The following SGMS1 variants were observed in gnomAD, a reference collection of about 807,000 sequenced individuals.
SGMS1 encodes the protein sphingomyelin synthase 1.
In SGMS1, 13 loss-of-function variants were observed where a neutral mutation model predicts 46.2. The observed-to-expected ratio is 0.28, with a 90% CI of 0.18 to 0.45. SGMS1 has a LOEUF of 0.45. Among genes scored for constraint, SGMS1 ranks in the 20% least tolerant of loss-of-function variants. SGMS1 has a pLI of 1.00. For missense variants in SGMS1, 324 were observed against 519.9 expected (o/e 0.62, Z 3.66); for synonymous variants, 203 against 187.8 (o/e 1.08, Z -0.66).
Position 50,378,225 on chromosome 10 carries a change from A to G in SGMS1, c.-231-33880T>C, listed in dbSNP as rs112447038. On this transcript the variant is annotated intron_variant, in intron 6 of 10. Coordinates refer to ENST00000361781, the MANE Select transcript of SGMS1 (RefSeq NM_147156.4). Reference sequence around the variant, plus strand: ...TCTTTCACACTTGATTAATGGAGCCATCTCCTTCTTTTTACTGATTCCTCT... The same window carrying G: ...TCTTTCACACTTGATTAATGGAGCCGTCTCCTTCTTTTTACTGATTCCTCT... Among the ~76,000 whole-genome samples, 1,410 of 152,298 alleles carry G rather than the reference A, an allele frequency of 9.3e-3. 25 individuals are homozygous for G. The highest frequency in any genetic ancestry group is 0.031 in the African/African-American group (1,289 of 41,556).
intron 2 of SGMS1, among the ~76,000 whole-genome samples, chr10:50,575,654 A>G (rs1838377797): frequency 6.6e-6 from 1 of 151,534 alleles, no homozygotes; most frequent in Non-Finnish European, 1.5e-5. Context: ...GAGGTGATAG[A>G]TATGTTTATT....
intron 6 of SGMS1, among the ~76,000 whole-genome samples, chr10:50,410,427 C>T (rs1213637688): frequency 6.6e-6 from 1 of 152,160 alleles, no homozygotes; most frequent in Non-Finnish European, 1.5e-5. Flanking sequence ...ATACTGACCA[C>T]ACTTGTGGTG....
chr10:50,383,221 T>C (rs968258846), intron 6 of SGMS1, among the ~76,000 whole-genome samples: 3 of 152,196 alleles, frequency 2.0e-5, no homozygotes, highest in Admixed American at 6.6e-5. Flanking sequence ...ACATTTCTAA[T>C]GATATCACAT....
At chr10:50,532,225 CTGTGTG>C (rs71029313) in intron 2 of SGMS1, among the ~76,000 whole-genome samples, 7,267 of 130,474 alleles carry the variant, frequency 0.056, 197 homozygotes, top group Non-Finnish European at 0.062. Context: ...CTGAATGAGA[CTGTGTG>C]TGTGTGTGTG....
At chr10:50,355,588 A>G (rs570578272) in intron 6 of SGMS1, among the ~76,000 whole-genome samples, 136 of 152,294 alleles carry the variant, frequency 8.9e-4, no homozygotes, top group African/African-American at 3.2e-3. Flanking sequence ...AATGTTGCCC[A>G]GGCTGGAGTG....
chr10:50,501,311 A>G (rs1268819317), intron 3 of SGMS1, among the ~76,000 whole-genome samples: 1 of 152,184 alleles, frequency 6.6e-6, no homozygotes, highest in East Asian at 1.9e-4. Flanking sequence ...CACAAACTCT[A>G]TCATCCTAAC....
At chr10:50,345,667 G>A (rs1333278302) in intron 6 of SGMS1, among the ~76,000 whole-genome samples, 1 of 152,088 alleles carries the variant, frequency 6.6e-6, no homozygotes, top group African/African-American at 2.4e-5. Context: ...TCCAAAATCC[G>A]AAACTTTTTG....
chr10:50,311,616 C>CGTG (rs1264505714), intron 8 of SGMS1, among the ~76,000 whole-genome samples: 5 of 152,274 alleles, frequency 3.3e-5, no homozygotes, highest in African/African-American at 1.2e-4. Flanking sequence ...AAATGAATCA[C>CGTG]GTGGCTTCAG....
At chr10:50,436,933 C>T (rs1849481440) in intron 5 of SGMS1, among the ~76,000 whole-genome samples, 2 of 152,168 alleles carry the variant, frequency 1.3e-5, no homozygotes, top group South Asian at 4.1e-4. Flanking sequence ...TCACACAGAA[C>T]TATGTTCTGC....
rs144875281 is a variant in SGMS1, at chr10:50,389,477, C to T, written c.-232+43999G>A. Among the ~76,000 whole-genome samples, 1,392 of 152,310 alleles carry T rather than the reference C, an allele frequency of 9.1e-3. 24 individuals are homozygous for T. Among genetic ancestry groups the T allele is most frequent in the African/African-American group, 0.032 (1,317 of 41,560 alleles). ...GTTCTAGTTAAAGCCTCAAATTATA[C>T]ACAGACTGGGGCCATCAAATCAAAG... On this transcript the variant is annotated intron_variant, in intron 6 of 10. Coordinates refer to ENST00000361781, the MANE Select transcript of SGMS1 (RefSeq NM_147156.4).
intron 4 of SGMS1, among the ~76,000 whole-genome samples, chr10:50,461,707 T>C (rs1837266597): frequency 6.6e-6 from 1 of 152,030 alleles, no homozygotes; most frequent in Admixed American, 6.6e-5. Flanking sequence ...TCATAGGTGC[T>C]CTCCAGCTGT....
chr10:50,578,254 C>A (rs1838402168), intron 2 of SGMS1, among the ~76,000 whole-genome samples: 2 of 152,278 alleles, frequency 1.3e-5, no homozygotes, highest in Non-Finnish European at 2.9e-5. Flanking sequence ...AGCCCCGCTC[C>A]CTTTGCGGTA....
At chr10:50,339,598 C>T (rs542371365) in intron 7 of SGMS1, among the ~76,000 whole-genome samples, 1 of 152,288 alleles carries the variant, frequency 6.6e-6, no homozygotes, top group Non-Finnish European at 1.5e-5. Flanking sequence ...CATCAGGATC[C>T]TTTACTCAGT....
At chr10:50,389,351 T>C (rs1848732080) in intron 6 of SGMS1, among the ~76,000 whole-genome samples, 1 of 152,220 alleles carries the variant, frequency 6.6e-6, no homozygotes, top group Non-Finnish European at 1.5e-5. Context: ...TTTGCCTAAA[T>C]CTTTAAAAAA....
intron 6 of SGMS1, among the ~76,000 whole-genome samples, chr10:50,385,668 G>T (rs74447553): frequency 6.6e-6 from 1 of 152,168 alleles, no homozygotes; most frequent in Non-Finnish European, 1.5e-5. Flanking sequence ...AAAAAAAAAG[G>T]TGACTTAGGG....
At chr10:50,592,754 T>C (rs1224607777) in intron 1 of SGMS1, among the ~76,000 whole-genome samples, 2 of 152,216 alleles carry the variant, frequency 1.3e-5, no homozygotes, top group African/African-American at 4.8e-5. Flanking sequence ...CCATACTAAT[T>C]GGTAACACAT....
intron 7 of SGMS1, chr10:50,342,054 A>C (rs1847829153): frequency 6.6e-6 from 1 of 152,280 alleles, no homozygotes; most frequent in Non-Finnish European, 1.5e-5. Context: ...CAAACTTACA[A>C]AAACAAAACA....
At chr10:50,624,394 G>C (rs1234686425), upstream of SGMS1, among the ~76,000 whole-genome samples, 1 of 152,168 alleles carries the variant, frequency 6.6e-6, no homozygotes, top group Non-Finnish European at 1.5e-5. Context: ...GCGACACTTG[G>C]GATTAATGCC....
chr10:50,382,594 A>ACAC (rs1564896657), intron 6 of SGMS1, among the ~76,000 whole-genome samples: 1 of 60,086 alleles, frequency 1.7e-5, no homozygotes, highest in African/African-American at 7.7e-5. Flanking sequence ...CACACACACA[A>ACAC]CTTCCCCACT....
Sources: gnomAD v4.1 joint callset for allele counts (sites outside exome capture counted in the v4.1 genomes callset) on GRCh38, gnomAD v4.1.1 for gene constraint, MANE v1.5 for transcripts, NCBI Gene and HGNC (gene_info 2026-07-23, HGNC 2026-07-21) for gene names.